Variants in KCNMB2 observed in about 807,000 individuals in gnomAD.
KCNMB2 encodes the protein potassium calcium-activated channel subfamily M regulatory beta subunit 2, also known as calcium-activated potassium channel subunit beta-2.
KCNMB2 carries 9 observed loss-of-function variants against 24.5 expected under a neutral mutation model. That is an observed-to-expected ratio of 0.37 (90% CI 0.22 to 0.64). KCNMB2 has a LOEUF of 0.64. Ranked by LOEUF, KCNMB2 falls within the 30% of genes least tolerant of loss-of-function variation. The probability of loss-of-function intolerance (pLI) is 0.63; values close to 1 mark genes in which losing one functional copy is unlikely to be tolerated. For synonymous variants in KCNMB2, 109 were observed against 104.4 expected (o/e 1.04, Z -0.27); for missense variants, 226 against 284.3 (o/e 0.79, Z 1.47).
Position 178,652,395 on chromosome 3 carries a change from A to G in KCNMB2, c.-68+115684A>G, listed in dbSNP as rs371785285. On this transcript the variant is annotated intron_variant, in intron 1 of 4. Coordinates refer to ENST00000452583, the MANE Select transcript of KCNMB2 (RefSeq NM_181361.3). Reference sequence around the variant, plus strand: ...GACAGGTTGATGGGTGCAGCAAACCATCATGGCATGTGTATACCTATGTAA... The same window carrying G: ...GACAGGTTGATGGGTGCAGCAAACCGTCATGGCATGTGTATACCTATGTAA... Among the ~76,000 whole-genome samples, 7 of 152,160 alleles carry G rather than the reference A, an allele frequency of 4.6e-5. No homozygotes were observed. The East Asian group carries it at 1.4e-3, about 29-fold the overall frequency.
intron 1 of KCNMB2, among the ~76,000 whole-genome samples, chr3:178,787,866 T>A (rs988650261): frequency 6.6e-6 from 1 of 152,188 alleles, no homozygotes. Flanking sequence ...CAGGCTTGGA[T>A]TGAAATTTTA....
chr3:178,807,467 T>C lies in KCNMB2; in HGVS notation c.56+2T>C. ...ATCTTATAGACATGATGAAAAAAGG[T>C]AAATGCACTGGGATTCTGGGCACTT... On this transcript the variant is annotated splice_donor_variant, in intron 2 of 4. Transcript: ENST00000452583. LOFTEE classifies it high-confidence loss of function. The C allele has an allele frequency of 1.2e-6, 2 of 1,612,898 alleles. No homozygotes were observed. Among genetic ancestry groups the C allele is most frequent in the East Asian group, 2.2e-5 (1 of 44,854 alleles).
At chr3:178,624,055 C>T (rs904139637) in intron 1 of KCNMB2, among the ~76,000 whole-genome samples, 3 of 152,218 alleles carry the variant, frequency 2.0e-5, no homozygotes, top group Non-Finnish European at 2.9e-5. Flanking sequence ...CACCTACGTG[C>T]TGTGTGCATC....
intron 1 of KCNMB2, chr3:178,757,228 T>A (rs1322749344): frequency 6.9e-6 from 1 of 145,208 alleles, no homozygotes; most frequent in Non-Finnish European, 1.5e-5. Context: ...CAGTGAAAAT[T>A]GTGGTACACA....
At chr3:178,833,186 G>A (rs1266451170) in intron 4 of KCNMB2, among the ~76,000 whole-genome samples, 3 of 152,096 alleles carry the variant, frequency 2.0e-5, no homozygotes, top group Admixed American at 6.5e-5. Context: ...TATTCTCCCA[G>A]GATGCAGCCC....
chr3:178,757,924 GATATATAT>G (rs1184858968), intron 1 of KCNMB2, among the ~76,000 whole-genome samples: 1 of 117,690 alleles, frequency 8.5e-6, no homozygotes, highest in Non-Finnish European at 1.8e-5. Context: ...TATCCAAGAG[GATATATAT>G]ATACACAAGG....
At chr3:178,666,155 A>G (rs1423311388) in intron 1 of KCNMB2, among the ~76,000 whole-genome samples, 2 of 152,162 alleles carry the variant, frequency 1.3e-5, no homozygotes, top group Non-Finnish European at 2.9e-5. Context: ...AACACTTAAG[A>G]GCATGACATT....
intron 1 of KCNMB2, among the ~76,000 whole-genome samples, chr3:178,721,077 A>C (rs1722788634): frequency 6.6e-6 from 1 of 152,124 alleles, no homozygotes; most frequent in Admixed American, 6.5e-5. Flanking sequence ...GGTAATGCCT[A>C]GGTTTTCTTC....
At chr3:178,835,801 C>T (rs560949004) in intron 4 of KCNMB2, among the ~76,000 whole-genome samples, 1 of 152,154 alleles carries the variant, frequency 6.6e-6, no homozygotes, top group South Asian at 2.1e-4. Flanking sequence ...TGTGGCCCAC[C>T]TCTATGATGG....
chr3:178,826,859 T>C (rs1222978571), intron 3 of KCNMB2, among the ~76,000 whole-genome samples: 2 of 152,232 alleles, frequency 1.3e-5, no homozygotes, highest in Non-Finnish European at 2.9e-5. Context: ...GCTCATTTTC[T>C]ATGAAAGTGC....
intron 1 of KCNMB2, among the ~76,000 whole-genome samples, chr3:178,570,833 T>G (rs527451988): frequency 2.0e-5 from 3 of 152,296 alleles, no homozygotes; most frequent in Non-Finnish European, 4.4e-5. Context: ...GAAAAGGAGC[T>G]TTGACCACAA....
chr3:178,773,965 A>G (rs1712478341), intron 1 of KCNMB2, among the ~76,000 whole-genome samples: 1 of 152,218 alleles, frequency 6.6e-6, no homozygotes, highest in Non-Finnish European at 1.5e-5. Context: ...GTATTTTCTC[A>G]CAATTCTGGA....
intron 1 of KCNMB2, among the ~76,000 whole-genome samples, chr3:178,690,065 GA>G (rs1721615764): frequency 6.6e-6 from 1 of 152,226 alleles, no homozygotes; most frequent in East Asian, 1.9e-4. Context: ...TGTGTTTTTA[GA>G]AATCAGGAAA....
chr3:178,597,924 T>A (rs765340130), intron 1 of KCNMB2, among the ~76,000 whole-genome samples: 1 of 151,886 alleles, frequency 6.6e-6, no homozygotes, highest in Non-Finnish European at 1.5e-5. Context: ...AGTTAAAAAA[T>A]TGGGGTGGGA....
In KCNMB2 at chr3:178,626,615, G is replaced by C. The variant is rs796787811; in HGVS notation, c.-68+89904G>C. The stretch of plus-strand genomic sequence containing the variant: ...GAAAGGGTATGCAGTGAAGTGGGAA[G>C]AGCCTCTTATAAAACCATCAGATCT... On this transcript the variant is annotated intron_variant, in intron 1 of 4. Transcript: ENST00000452583. Among the ~76,000 whole-genome samples the C allele has an allele frequency of 1.5e-4, 23 of 152,154 alleles. 2 individuals carry two copies. The highest frequency in any genetic ancestry group is 5.1e-4 in the African/African-American group (21 of 41,518).
chr3:178,600,827 G>C (rs1220905646), intron 1 of KCNMB2, among the ~76,000 whole-genome samples: 1 of 152,152 alleles, frequency 6.6e-6, no homozygotes, highest in Non-Finnish European at 1.5e-5. Context: ...TAATGAGATT[G>C]CTGGGTCAAA....
chr3:178,746,339 G>A (rs1723666707), intron 1 of KCNMB2, among the ~76,000 whole-genome samples: 1 of 152,150 alleles, frequency 6.6e-6, no homozygotes, highest in Non-Finnish European at 1.5e-5. Flanking sequence ...TTTCAGCCAT[G>A]GCTAGAGCAG....
chr3:178,807,594 A>G, intron 2 of KCNMB2, 129 bp downstream of exon 2: 1 of 700,706 alleles, frequency 1.4e-6, no homozygotes, highest in Non-Finnish European at 2.4e-6. Context: ...TCTACAGTAC[A>G]GGAGTAGGGT....
intron 1 of KCNMB2, among the ~76,000 whole-genome samples, chr3:178,758,525 T>G (rs1207744597): frequency 5.3e-5 from 1 of 18,930 alleles, no homozygotes; most frequent in Non-Finnish European, 8.8e-5. Flanking sequence ...CAAGAGGAGA[T>G]GTATATATAT....
Sources: allele counts gnomAD v4.1 joint callset (sites outside exome capture counted in the v4.1 genomes callset), GRCh38; gene constraint gnomAD v4.1.1; transcripts MANE v1.5; gene names NCBI Gene and HGNC (gene_info 2026-07-23, HGNC 2026-07-21).